TMEM181: variants seen among roughly 807,000 people sequenced by gnomAD.
TMEM181 encodes transmembrane protein 181.
Under a neutral mutation model 71.9 loss-of-function variants are expected in TMEM181, and 39 were observed. That is an observed-to-expected ratio of 0.54 (90% CI 0.42 to 0.71). The LOEUF (loss-of-function observed/expected upper bound fraction) is 0.71. Among genes scored for constraint, TMEM181 ranks in the 30% least tolerant of loss-of-function variants. The pLI is 0.00. For missense variants in TMEM181, 595 were observed against 583.0 expected (o/e 1.02, Z -0.21); for synonymous variants, 245 against 228.8 (o/e 1.07, Z -0.64).
At chr6:158,556,638 G>T (rs139006440), upstream of TMEM181, among the ~76,000 whole-genome samples, 1 of 152,300 alleles carries the variant, frequency 6.6e-6, no homozygotes, top group South Asian at 2.1e-4. Flanking sequence ...TCGCAAAAGT[G>T]TAAGATTGCG....
intron 6 of TMEM181, among the ~76,000 whole-genome samples, chr6:158,593,224 C>A (rs1562641207): frequency 6.6e-6 from 1 of 152,176 alleles, no homozygotes; most frequent in Non-Finnish European, 1.5e-5. Context: ...TAAATTAGTT[C>A]TGTAGCTACT....
At chr6:158,610,114 T>G (rs943470947) in intron 10 of TMEM181, 1 of 221,252 alleles carries the variant, frequency 4.5e-6, no homozygotes, top group Non-Finnish European at 9.6e-6. Context: ...CCAAAGCTTC[T>G]CTAGAGACGC....
At chr6:158,581,684 G>C (rs1009750755) in intron 3 of TMEM181, among the ~76,000 whole-genome samples, 2 of 150,570 alleles carry the variant, frequency 1.3e-5, no homozygotes, top group East Asian at 1.9e-4. Flanking sequence ...GAACCCGGGC[G>C]GGGGAGCTTG....
chr6:158,572,789 G>A (rs1474902210), intron 1 of TMEM181, among the ~76,000 whole-genome samples: 4 of 152,196 alleles, frequency 2.6e-5, no homozygotes, highest in Non-Finnish European at 5.9e-5. Context: ...AACCTGCACG[G>A]CAAGGCAGCG....
At chr6:158,605,224 A>G (rs573312684) in intron 6 of TMEM181, 43 bp from the exon 7 acceptor site, 8 of 1,474,562 alleles carry the variant, frequency 5.4e-6, no homozygotes, top group Middle Eastern at 1.7e-4. Context: ...TCTTAGATGC[A>G]TATATATTTT....
At chr6:158,626,977 A>C (rs1786337708) in intron 13 of TMEM181, among the ~76,000 whole-genome samples, 3 of 111,408 alleles carry the variant, frequency 2.7e-5, no homozygotes, top group South Asian at 5.9e-4. Context: ...CTCACACATC[A>C]TCACTCACAC....
rs887846367 is a variant in TMEM181 at position 158,633,879 on chromosome 6, A to G, written c.*1991A>G. 2 of 152,218 alleles carry G rather than the reference A, an allele frequency of 1.3e-5. No individual in the cohort carries two copies. The highest frequency in any genetic ancestry group is 2.9e-5 in the Non-Finnish European group (2 of 68,036). 9.4% of individuals were successfully genotyped at this position (152,218 alleles called of 1,614,324 possible). On this transcript the variant is annotated 3_prime_UTR_variant, in exon 17 of 17. Coordinates refer to ENST00000684151, the MANE Select transcript of TMEM181 (RefSeq NM_001376852.1). ...CTTCTAATAAGACTACTATAACTTTATGTAAACTGATGAAGATGTGCTGAT... is the reference window on the plus strand; with the variant it reads ...CTTCTAATAAGACTACTATAACTTTGTGTAAACTGATGAAGATGTGCTGAT...
intron 2 of TMEM181, among the ~76,000 whole-genome samples, chr6:158,574,346 T>C (rs991603481): frequency 6.6e-6 from 1 of 152,174 alleles, no homozygotes; most frequent in Non-Finnish European, 1.5e-5. Flanking sequence ...GTGATGGTGA[T>C]AATAGCAGCT....
chr6:158,611,423 A>T, intron 10 of TMEM181: 1 of 539,380 alleles, frequency 1.9e-6, no homozygotes, highest in Non-Finnish European at 3.8e-6. Flanking sequence ...TGGAGCCCTG[A>T]TGTCGAAGTC....
At chr6:158,585,804 A>C (rs146838916) in intron 5 of TMEM181, among the ~76,000 whole-genome samples, 1 of 152,158 alleles carries the variant, frequency 6.6e-6, no homozygotes, top group East Asian at 1.9e-4. Context: ...CGTCTGCCAC[A>C]GGCTGTGGTC....
At chr6:158,586,739 G>C (rs1457445182) in intron 5 of TMEM181, among the ~76,000 whole-genome samples, 2 of 152,160 alleles carry the variant, frequency 1.3e-5, no homozygotes, top group South Asian at 2.1e-4. Flanking sequence ...CGTGGGACTG[G>C]CCTCTCATTC....
rs41267047 is a variant in TMEM181 at position 158,634,922 on chromosome 6, C to T, written c.*3034C>T. 893 of 151,764 alleles carry T rather than the reference C, an allele frequency of 5.9e-3. 4 individuals carry two copies. Among genetic ancestry groups the T allele is most frequent in the Non-Finnish European group, 0.01 (693 of 67,976 alleles). The allele number at this position is 151,764 out of a possible 1,614,324, so 9.4% of individuals were successfully genotyped here. A position where few individuals can be genotyped will look rare whatever the true frequency, so the allele number is the denominator to read the frequency against. On this transcript the variant is annotated 3_prime_UTR_variant, in exon 17 of 17. Transcript: ENST00000684151. ...ACCCTCATAAAAGGGATAATTAAAACGGATGTGTCTGAACATTTAGTGAAG... is the reference window on the plus strand; with the variant it reads ...ACCCTCATAAAAGGGATAATTAAAATGGATGTGTCTGAACATTTAGTGAAG...
chr6:158,580,664 C>T (rs1361657245), intron 2 of TMEM181, among the ~76,000 whole-genome samples: 1 of 152,078 alleles, frequency 6.6e-6, no homozygotes, highest in African/African-American at 2.4e-5. Flanking sequence ...CATTGAGAGC[C>T]TAGCAGGGTG....
chr6:158,576,009 T>C (rs150985917), intron 2 of TMEM181, among the ~76,000 whole-genome samples: 494 of 152,310 alleles, frequency 3.2e-3, no homozygotes, highest in African/African-American at 0.011. Context: ...AAGAAATGCA[T>C]TGTAAGAATC....
intron 14 of TMEM181, among the ~76,000 whole-genome samples, chr6:158,629,235 G>A (rs967218063): frequency 3.3e-5 from 5 of 152,120 alleles, no homozygotes; most frequent in African/African-American, 9.7e-5. Flanking sequence ...ATTAATATAC[G>A]ATTTTTTCAA....
At chr6:158,614,729 A>G (rs951274592) in intron 10 of TMEM181, among the ~76,000 whole-genome samples, 4 of 152,050 alleles carry the variant, frequency 2.6e-5, no homozygotes, top group African/African-American at 9.7e-5. Context: ...GAGTGAGAGT[A>G]TGTGGTATTT....
intron 10 of TMEM181, among the ~76,000 whole-genome samples, chr6:158,618,624 C>T (rs1000991379): frequency 2.6e-5 from 4 of 152,180 alleles, no homozygotes; most frequent in African/African-American, 9.7e-5. Context: ...TTTGCAGTGG[C>T]TGGTACCGTT....
intron 6 of TMEM181, among the ~76,000 whole-genome samples, chr6:158,590,439 C>T (rs778696468): frequency 6.6e-6 from 1 of 151,348 alleles, no homozygotes; most frequent in Non-Finnish European, 1.5e-5. Context: ...AGCGTACGTT[C>T]AGTGGTTTTT....
chr6:158,607,403 G>A lies in TMEM181; in HGVS notation c.673+60G>A, dbSNP rs1361908128. 4.6e-6 allele frequency: 7 copies of A among 1,513,102 alleles called. No homozygotes were observed. The Admixed American group carries it at 5.1e-5, about 11-fold the overall frequency. 93.7% of individuals were successfully genotyped at this position (1,513,102 alleles called of 1,614,324 possible). Reference sequence around the variant, plus strand: ...CTTTAAAATGTAAAGCTGGAGGCCAGGTGCAGGGTTGTGCCTGTCATCCCA... The same window carrying A: ...CTTTAAAATGTAAAGCTGGAGGCCAAGTGCAGGGTTGTGCCTGTCATCCCA... On this transcript the variant is annotated intron_variant, in intron 8 of 16. Coordinates refer to ENST00000684151, the MANE Select transcript of TMEM181 (RefSeq NM_001376852.1).
Sources: allele counts gnomAD v4.1 joint callset (sites outside exome capture counted in the v4.1 genomes callset), GRCh38; gene constraint gnomAD v4.1.1; transcripts MANE v1.5; gene names NCBI Gene and HGNC (gene_info 2026-07-23, HGNC 2026-07-21).